TMEM178A: variants seen among roughly 807,000 people sequenced by gnomAD.
TMEM178A encodes the protein transmembrane protein 178A, also known as transmembrane protein 178.
In TMEM178A, 12 loss-of-function variants were observed where a neutral mutation model predicts 29.1. That is an observed-to-expected ratio of 0.41 (90% CI 0.26 to 0.67). The LOEUF (loss-of-function observed/expected upper bound fraction) is 0.67, where lower values mean the gene tolerates loss of function less well. Ranked by LOEUF, TMEM178A falls within the 30% of genes least tolerant of loss-of-function variation. The probability of loss-of-function intolerance (pLI) is 0.29; values close to 1 mark genes in which losing one functional copy is unlikely to be tolerated. For missense variants in TMEM178A, 366 were observed against 419.1 expected, an observed-to-expected ratio of 0.87 and a Z score of 1.11; for synonymous variants, 210 against 187.2, an observed-to-expected ratio of 1.12 and a Z score of -0.99.
At chr2:39,712,232 A>C (rs976743371) in intron 3 of TMEM178A, among the ~76,000 whole-genome samples, 4 of 152,096 alleles carry the variant, frequency 2.6e-5, no homozygotes, top group Admixed American at 1.3e-4. Flanking sequence ...GGAGCAGGGG[A>C]AAAAAATCAA....
chr2:39,705,470 C>G (rs1454979402), intron 2 of TMEM178A, among the ~76,000 whole-genome samples: 2 of 152,200 alleles, frequency 1.3e-5, no homozygotes, highest in East Asian at 3.8e-4. Flanking sequence ...TACATTTCCC[C>G]TGCTCAGATG....
At chr2:39,708,145 G>T (rs1672120528) in intron 3 of TMEM178A, among the ~76,000 whole-genome samples, 1 of 152,216 alleles carries the variant, frequency 6.6e-6, no homozygotes, top group African/African-American at 2.4e-5. Context: ...GGAAGATCTT[G>T]CTGAGGTGGC....
At chr2:39,719,605 T>G (rs903556074), downstream of TMEM178A, among the ~76,000 whole-genome samples, 5 of 152,238 alleles carry the variant, frequency 3.3e-5, no homozygotes, top group Non-Finnish European at 7.3e-5. Context: ...GGGCTTCTCT[T>G]AGGAGTTTTT....
In TMEM178A at chr2:39,704,132, G is replaced by T. The variant is rs766451293; in HGVS notation, c.452G>T (p.Arg151Leu). ...AIKYHFSQPI[R>L]LRNIPFNLTK... ...AAGTACCACTTTTCTCAGCCCATCCGCTTGCGAAACATTCCTTTTAATTTA... is the reference window on the plus strand; with the variant it reads ...AAGTACCACTTTTCTCAGCCCATCCTCTTGCGAAACATTCCTTTTAATTTA... Residue 151 changes from arginine to leucine, a missense_variant, in exon 2 of 4, where the codon CGC (arginine) becomes CTC (leucine). This residue lies in a region of TMEM178A where 247 missense variants were observed against 246.8 expected (regional missense o/e 1.00). Coordinates refer to ENST00000281961, the MANE Select transcript of TMEM178A (RefSeq NM_152390.3). 2 of 1,614,088 alleles carry T rather than the reference G, an allele frequency of 1.2e-6. No homozygotes were observed. The highest frequency in any genetic ancestry group is 2.2e-5 in the South Asian group (2 of 91,070).
intron 3 of TMEM178A, among the ~76,000 whole-genome samples, chr2:39,712,819 C>A (rs1301143119): frequency 6.6e-6 from 1 of 152,248 alleles, no homozygotes; most frequent in Admixed American, 6.5e-5. Flanking sequence ...AGATTTTGAA[C>A]TTTCTGAATG....
At chr2:39,711,204 T>C (rs1380289001) in intron 3 of TMEM178A, among the ~76,000 whole-genome samples, 1 of 152,250 alleles carries the variant, frequency 6.6e-6, no homozygotes, top group Non-Finnish European at 1.5e-5. Flanking sequence ...CTTCTGCCCA[T>C]TACTAGACTA....
intron 1 of TMEM178A, among the ~76,000 whole-genome samples, chr2:39,689,901 C>G (rs1671238830): frequency 6.6e-6 from 1 of 152,190 alleles, no homozygotes; most frequent in Non-Finnish European, 1.5e-5. Context: ...AGAATAAGAA[C>G]AGTTTCACCT....
At chr2:39,669,180 G>C (rs187275847) in intron 1 of TMEM178A, among the ~76,000 whole-genome samples, 1 of 152,244 alleles carries the variant, frequency 6.6e-6, no homozygotes, top group Non-Finnish European at 1.5e-5. Context: ...GAACTGTCTG[G>C]CATGCTTAGT....
intron 3 of TMEM178A, among the ~76,000 whole-genome samples, chr2:39,708,097 G>A (rs1442157979): frequency 1.3e-5 from 2 of 152,212 alleles, no homozygotes; most frequent in Non-Finnish European, 2.9e-5. Flanking sequence ...AGTGATAAAA[G>A]CTGTGAAGAA....
upstream of TMEM178A, chr2:39,665,764 C>T (rs1416115636): frequency 2.3e-4 from 74 of 328,456 alleles, no homozygotes; most frequent in Non-Finnish European, 3.9e-5. Context: ...GCCCGGGGGC[C>T]GGGCCGGGGG....
At chr2:39,722,316 A>G (rs553576715), downstream of TMEM178A, among the ~76,000 whole-genome samples, 1 of 152,314 alleles carries the variant, frequency 6.6e-6, no homozygotes, top group African/African-American at 2.4e-5. Flanking sequence ...AGGAGATACA[A>G]TAATTTGGGG....
rs141308365 is a variant in TMEM178A, at chr2:39,689,077, A to G, written c.401-15004A>G. ...CACCATATACAGTAGTAATTAGTCA[A>G]TTCAGCTTGATCCAGAGTTCATTTT... On this transcript the variant is annotated intron_variant, in intron 1 of 3. Coordinates refer to ENST00000281961, the MANE Select transcript of TMEM178A (RefSeq NM_152390.3). Among the ~76,000 whole-genome samples the G allele has an allele frequency of 5.2e-3, 797 of 152,354 alleles. 6 individuals are homozygous for G. The highest frequency in any genetic ancestry group is 0.041 in the Middle Eastern group (12 of 294).
downstream of TMEM178A, among the ~76,000 whole-genome samples, chr2:39,720,413 G>A (rs1392691964): frequency 6.6e-6 from 1 of 152,148 alleles, no homozygotes; most frequent in Non-Finnish European, 1.5e-5. Context: ...ACACTGCCTA[G>A]GCAACCACCC....
At chr2:39,707,630 C>A (rs891262124) in intron 3 of TMEM178A, among the ~76,000 whole-genome samples, 1 of 152,140 alleles carries the variant, frequency 6.6e-6, no homozygotes, top group African/African-American at 2.4e-5. Context: ...TGCCACCACA[C>A]CTGGCTAATT....
intron 1 of TMEM178A, among the ~76,000 whole-genome samples, chr2:39,674,383 A>G (rs182482265): frequency 1.3e-5 from 2 of 152,376 alleles, no homozygotes; most frequent in Non-Finnish European, 1.5e-5. Flanking sequence ...ATGAGATTGG[A>G]GACTATTATT....
chr2:39,725,564 T>A, the TMEM178A span, among the ~76,000 whole-genome samples: 2 of 152,234 alleles, frequency 1.3e-5, no homozygotes, highest in Non-Finnish European at 2.9e-5. Flanking sequence ...TCTGGACTTT[T>A]ATGGCTGTGT....
chr2:39,718,170 T>G (rs1338819542), downstream of TMEM178A, among the ~76,000 whole-genome samples: 5 of 143,832 alleles, frequency 3.5e-5, no homozygotes, highest in Non-Finnish European at 7.5e-5. Flanking sequence ...TTTTAAACCT[T>G]CCTATACTAT....
chr2:39,676,553 A>C (rs542332853), intron 1 of TMEM178A, among the ~76,000 whole-genome samples: 137 of 152,330 alleles, frequency 9.0e-4, no homozygotes, highest in African/African-American at 3.2e-3. Context: ...TCACGTGACC[A>C]TTCTTAAAGC....
intron 3 of TMEM178A, among the ~76,000 whole-genome samples, chr2:39,709,892 C>G (rs924561898): frequency 6.6e-6 from 1 of 152,168 alleles, no homozygotes; most frequent in East Asian, 1.9e-4. Flanking sequence ...GCAAATGAAA[C>G]AATTGTTAGA....
Sources: allele counts gnomAD v4.1 joint callset (sites outside exome capture counted in the v4.1 genomes callset), GRCh38; gene constraint gnomAD v4.1.1; regional missense constraint gnomAD v4.1.1; transcripts MANE v1.5; gene names NCBI Gene and HGNC (gene_info 2026-07-23, HGNC 2026-07-21).